The following ANKDD1A variants were observed in gnomAD, a reference collection of about 807,000 sequenced individuals.
ANKDD1A encodes ankyrin repeat and death domain-containing protein 1A.
Under a neutral mutation model 63.5 loss-of-function variants are expected in ANKDD1A, and 59 were observed. That is an observed-to-expected ratio of 0.93 (90% CI 0.75 to 1.15). ANKDD1A has a LOEUF of 1.15. Ranked by LOEUF, ANKDD1A falls within the 50% of genes most tolerant of loss-of-function variation. ANKDD1A has a pLI of 0.00. For missense variants in ANKDD1A, 632 were observed against 656.4 expected, an observed-to-expected ratio of 0.96 and a Z score of 0.41; for synonymous variants, 266 against 263.9, an observed-to-expected ratio of 1.01 and a Z score of -0.08.
At chr15:64,949,755 G>A (rs368347300) in intron 13 of ANKDD1A, 86 bp from the exon 14 acceptor site, 12 of 1,546,662 alleles carry the variant, frequency 7.8e-6, no homozygotes, top group Middle Eastern at 1.7e-4. Context: ...TTCAGGAGGC[G>A]GTGCAGGGTG....
chr15:64,921,753 A>T (rs965555909), intron 3 of ANKDD1A, among the ~76,000 whole-genome samples, 168 bp from the exon 4 acceptor site: 8 of 127,726 alleles, frequency 6.3e-5, no homozygotes, highest in African/African-American at 3.8e-4. Context: ...CCTCTATTTA[A>T]AAAAAAAAAA....
intron 9 of ANKDD1A, among the ~76,000 whole-genome samples, chr15:64,935,016 G>T (rs1595851861): frequency 6.6e-6 from 1 of 151,486 alleles, no homozygotes; most frequent in Middle Eastern, 3.4e-3. Context: ...CTTGATCTCA[G>T]GACTTCAAGA....
chr15:64,954,308 T>TCTC (rs1264607178), intron 14 of ANKDD1A, among the ~76,000 whole-genome samples: 16 of 28,108 alleles, frequency 5.7e-4, no homozygotes, highest in Admixed American at 3.4e-3. Flanking sequence ...TTCTTCTCCT[T>TCTC]CTCTTCCTTC....
chr15:64,933,545 T>A (rs2085105727), intron 8 of ANKDD1A, among the ~76,000 whole-genome samples: 1 of 152,170 alleles, frequency 6.6e-6, no homozygotes, highest in Non-Finnish European at 1.5e-5. Context: ...TGTCTTCCTC[T>A]TTAAAAACCA....
At chr15:64,949,035 AC>A (rs1444153187) in intron 13 of ANKDD1A, among the ~76,000 whole-genome samples, 2 of 152,192 alleles carry the variant, frequency 1.3e-5, no homozygotes, top group Non-Finnish European at 2.9e-5. Context: ...GTGCCACCAC[AC>A]CAAGGGCAGT....
intron 4 of ANKDD1A, among the ~76,000 whole-genome samples, chr15:64,924,442 C>G (rs1304926647): frequency 6.6e-6 from 1 of 152,218 alleles, no homozygotes; most frequent in Non-Finnish European, 1.5e-5. Context: ...GGAATAGATG[C>G]AGCCAGCTTT....
Position 64,957,803 on chromosome 15 carries a change from G to T in ANKDD1A, c.*615G>T, listed in dbSNP as rs1048782388. On this transcript the variant is annotated 3_prime_UTR_variant, in exon 15 of 15. Coordinates refer to ENST00000319580, the MANE Select transcript of ANKDD1A (RefSeq NM_182703.6). ...CTCTCAGTGAAGCATTTTATTAAAA[G>T]AATAATTATAATTAAAAAAACACGA... is the stretch of plus-strand genomic sequence containing the variant. 4 of 152,146 alleles carry T rather than the reference G, an allele frequency of 2.6e-5. No homozygotes were observed. Among genetic ancestry groups the T allele is most frequent in the African/African-American group, 7.2e-5 (3 of 41,494 alleles). The allele number at this position is 152,146 out of a possible 1,614,324, so 9.4% of individuals were successfully genotyped here. A position where few individuals can be genotyped will look rare whatever the true frequency, so the allele number is the denominator to read the frequency against.
chr15:64,957,052 G>C (rs1202947290), intron 14 of ANKDD1A, 51 bp from the exon 15 acceptor site: 5 of 449,568 alleles, frequency 1.1e-5, no homozygotes, highest in Non-Finnish European at 1.8e-5. Flanking sequence ...CACTTTAAGG[G>C]TGATAATTGT....
chr15:64,942,790 T>C (rs1261948751), intron 10 of ANKDD1A, among the ~76,000 whole-genome samples: 1 of 152,078 alleles, frequency 6.6e-6, no homozygotes, highest in African/African-American at 2.4e-5. Context: ...TTGGCCACGG[T>C]CTATAACATT....
chr15:64,953,481 T>TC (rs2085341613), intron 14 of ANKDD1A, among the ~76,000 whole-genome samples: 1 of 89,732 alleles, frequency 1.1e-5, no homozygotes. Context: ...TCCTCTTCCT[T>TC]CTCCTTCTTC....
intron 14 of ANKDD1A, among the ~76,000 whole-genome samples, chr15:64,952,285 TCTC>T (rs1366453149): frequency 1.3e-5 from 2 of 149,116 alleles, no homozygotes; most frequent in East Asian, 2.0e-4. Flanking sequence ...TCTTCTTCCT[TCTC>T]CTTCCTCTCC....
intron 3 of ANKDD1A, among the ~76,000 whole-genome samples, chr15:64,921,183 C>A (rs537559912): frequency 1.1e-4 from 17 of 152,262 alleles, no homozygotes; most frequent in African/African-American, 4.1e-4. Flanking sequence ...CTATTTTGCC[C>A]AGTCTGGTTT....
intron 9 of ANKDD1A, among the ~76,000 whole-genome samples, chr15:64,934,791 A>G (rs2085115991): frequency 6.6e-6 from 1 of 151,404 alleles, no homozygotes. Context: ...TGCTGGGATT[A>G]CAGGCATGAG....
intron 4 of ANKDD1A, among the ~76,000 whole-genome samples, chr15:64,923,282 C>T (rs1241285669): frequency 6.6e-6 from 1 of 152,092 alleles, no homozygotes; most frequent in African/African-American, 2.4e-5. Flanking sequence ...TGGAAAAGGC[C>T]AGGAAATGGA....
chr15:64,937,477 C>G (rs1162995574), intron 9 of ANKDD1A, among the ~76,000 whole-genome samples: 1 of 152,036 alleles, frequency 6.6e-6, no homozygotes. Context: ...ACCTGTAATC[C>G]CAGCACTTTG....
chr15:64,938,006 C>T (rs2085148937), intron 9 of ANKDD1A, among the ~76,000 whole-genome samples: 1 of 152,038 alleles, frequency 6.6e-6, no homozygotes. Context: ...ACACAGGGGC[C>T]ACCAGAGAGA....
intron 8 of ANKDD1A, 144 bp downstream of exon 8, chr15:64,931,729 C>A: frequency 1.2e-6 from 1 of 831,974 alleles, no homozygotes; most frequent in South Asian, 1.6e-5. Flanking sequence ...GGCTTCTCCA[C>A]TGCTGAGCCC....
At chr15:64,952,653 T>TCC (rs1385151791) in intron 14 of ANKDD1A, among the ~76,000 whole-genome samples, 1 of 9,874 alleles carries the variant, frequency 1.0e-4, no homozygotes, top group Non-Finnish European at 5.5e-4. Flanking sequence ...CTCCTTCTCC[T>TCC]TCTTCTTCCC....
chr15:64,939,081 G>A (rs1030983472), intron 9 of ANKDD1A, among the ~76,000 whole-genome samples: 25 of 152,112 alleles, frequency 1.6e-4, no homozygotes, highest in African/African-American at 5.8e-4. Context: ...AACTGGATGT[G>A]GGGTATGTGG....
Sources: gnomAD v4.1 joint callset for allele counts (sites outside exome capture counted in the v4.1 genomes callset) on GRCh38, gnomAD v4.1.1 for gene constraint, MANE v1.5 for transcripts, NCBI Gene and HGNC (gene_info 2026-07-23, HGNC 2026-07-21) for gene names.